The following CHRM3 variants were observed in gnomAD, a reference collection of about 807,000 sequenced individuals.
CHRM3 encodes the protein cholinergic receptor muscarinic 3.
CHRM3 carries 11 observed loss-of-function variants against 41.8 expected under a neutral mutation model. The ratio of observed to expected loss-of-function variants is 0.26; its 90% CI spans 0.17 to 0.44. CHRM3 has a LOEUF of 0.44. CHRM3 is among the 20% of genes least tolerant of loss of function. The pLI is 1.00. For synonymous variants in CHRM3, 297 were observed against 301.4 expected (o/e 0.99, Z 0.15); for missense variants, 571 against 745.4 (o/e 0.77, Z 2.72).
At chr1:239,587,394 C>T (rs1486075902) in intron 3 of CHRM3, among the ~76,000 whole-genome samples, 1 of 152,182 alleles carries the variant, frequency 6.6e-6, no homozygotes, top group Non-Finnish European at 1.5e-5. Flanking sequence ...AATATGGTAG[C>T]AAGAGAGATA....
chr1:239,444,614 G>A (rs1398009461), intron 1 of CHRM3, among the ~76,000 whole-genome samples: 5 of 151,908 alleles, frequency 3.3e-5, no homozygotes, highest in Non-Finnish European at 5.9e-5. Context: ...CCTGGGGAGG[G>A]GAATGTGGAA....
intron 3 of CHRM3, among the ~76,000 whole-genome samples, chr1:239,574,682 T>C (rs1572757029): frequency 6.6e-6 from 1 of 152,280 alleles, no homozygotes. Context: ...GATTATTTTA[T>C]TCCCTCCACC....
At chr1:239,871,238 A>ATAT (rs1676556152) in intron 6 of CHRM3, among the ~76,000 whole-genome samples, 1 of 152,060 alleles carries the variant, frequency 6.6e-6, no homozygotes, top group East Asian at 1.9e-4. Flanking sequence ...TAGGATTGCC[A>ATAT]TATTATTATT....
Position 239,793,429 on chromosome 1 carries a change from C to T in CHRM3, c.-146-33823C>T, listed in dbSNP as rs1669503487. ...GATTCTTTATCCAGTTACCACACTT[C>T]TAGAAAAGAGTGAGAGGGAGCCTGT... is the stretch of plus-strand genomic sequence containing the variant. On this transcript the variant is annotated intron_variant, in intron 5 of 6. Transcript: ENST00000676153. Among the ~76,000 whole-genome samples the T allele has an allele frequency of 2.0e-5, 3 of 152,142 alleles. No homozygotes were observed. The South Asian group carries it at 6.2e-4, about 32-fold the overall frequency.
At chr1:239,482,725 A>G (rs1242783902) in intron 1 of CHRM3, among the ~76,000 whole-genome samples, 1 of 152,118 alleles carries the variant, frequency 6.6e-6, no homozygotes, top group Non-Finnish European at 1.5e-5. Context: ...TGTAAATTTC[A>G]TATGGTTTTG....
chr1:239,397,457 G>C (rs950558389), intron 1 of CHRM3, among the ~76,000 whole-genome samples: 3 of 151,942 alleles, frequency 2.0e-5, no homozygotes, highest in Non-Finnish European at 2.9e-5. Context: ...TGGATCAGGA[G>C]GTCAGGAGAT....
intron 3 of CHRM3, among the ~76,000 whole-genome samples, chr1:239,553,712 T>C (rs1245752002): frequency 6.6e-6 from 1 of 152,172 alleles, no homozygotes; most frequent in Non-Finnish European, 1.5e-5. Context: ...TCAGTTTAAT[T>C]AGTTGAAAAT....
chr1:239,527,130 A>G (rs1454077261), intron 2 of CHRM3, among the ~76,000 whole-genome samples: 1 of 152,140 alleles, frequency 6.6e-6, no homozygotes, highest in Non-Finnish European at 1.5e-5. Flanking sequence ...AAAACAAAAC[A>G]AAAACAACAA....
intron 6 of CHRM3, among the ~76,000 whole-genome samples, chr1:239,837,144 T>C (rs1044845688): frequency 5.9e-5 from 9 of 152,178 alleles, no homozygotes; most frequent in African/African-American, 1.9e-4. Flanking sequence ...ACAGGCTAGC[T>C]AAACCATGAC....
chr1:239,695,951 T>C (rs1412703144), intron 5 of CHRM3, among the ~76,000 whole-genome samples: 3 of 152,228 alleles, frequency 2.0e-5, no homozygotes, highest in Non-Finnish European at 4.4e-5. Flanking sequence ...ATGGATTACC[T>C]GTATACGCAT....
At chr1:239,895,394 C>T (rs1678910070) in intron 6 of CHRM3, among the ~76,000 whole-genome samples, 2 of 152,222 alleles carry the variant, frequency 1.3e-5, no homozygotes, top group African/African-American at 2.4e-5. Context: ...TACTGCTCAT[C>T]GGACACAACC....
intron 1 of CHRM3, among the ~76,000 whole-genome samples, chr1:239,457,628 C>A (rs1665051120): frequency 6.6e-6 from 1 of 151,970 alleles, no homozygotes; most frequent in South Asian, 2.1e-4. Flanking sequence ...TTTCATATTC[C>A]CCAGGGACAA....
chr1:239,503,603 G>A (rs1226161266), intron 2 of CHRM3, among the ~76,000 whole-genome samples: 1 of 151,958 alleles, frequency 6.6e-6, no homozygotes, highest in Admixed American at 6.6e-5. Flanking sequence ...GGCCTGCATA[G>A]CCAAAGCAAT....
At chr1:239,593,807 C>A (rs1433452711) in intron 3 of CHRM3, among the ~76,000 whole-genome samples, 6 of 152,104 alleles carry the variant, frequency 3.9e-5, no homozygotes, top group East Asian at 1.9e-4. Context: ...GCACCTATAA[C>A]CCTTACTCAA....
intron 6 of CHRM3, among the ~76,000 whole-genome samples, chr1:239,895,732 C>T (rs747355567): frequency 1.3e-5 from 2 of 152,132 alleles, no homozygotes; most frequent in Admixed American, 6.6e-5. Flanking sequence ...AAACCAAACA[C>T]GGCGTGTTCT....
intron 6 of CHRM3, among the ~76,000 whole-genome samples, chr1:239,898,592 T>A (rs1312355439): frequency 4.6e-5 from 7 of 152,150 alleles, no homozygotes; most frequent in Admixed American, 3.9e-4. Flanking sequence ...AAAAAATAAT[T>A]ATTATTATAG....
chr1:239,834,148 T>TCTCACA (rs1553278786), intron 6 of CHRM3, among the ~76,000 whole-genome samples: 21 of 135,318 alleles, frequency 1.6e-4, no homozygotes, highest in Admixed American at 2.3e-4. Context: ...TAATTCCACA[T>TCTCACA]CACACACACA....
intron 6 of CHRM3, among the ~76,000 whole-genome samples, chr1:239,842,273 G>A (rs982320700): frequency 1.0e-4 from 15 of 150,736 alleles, no homozygotes; most frequent in African/African-American, 3.7e-4. Context: ...CCAGCCTGGA[G>A]TGCAGTGATG....
chr1:239,477,391 G>A (rs952197346), intron 1 of CHRM3, among the ~76,000 whole-genome samples: 5 of 152,160 alleles, frequency 3.3e-5, no homozygotes, highest in South Asian at 4.1e-4. Flanking sequence ...TTCTAACAAC[G>A]AGAAAAGTCT....
Sources: allele counts gnomAD v4.1 joint callset (sites outside exome capture counted in the v4.1 genomes callset), GRCh38; gene constraint gnomAD v4.1.1; transcripts MANE v1.5; gene names NCBI Gene and HGNC (gene_info 2026-07-23, HGNC 2026-07-21).